RPL6: variants seen among roughly 807,000 people sequenced by gnomAD.
RPL6 encodes the protein ribosomal protein L6, also known as large ribosomal subunit protein eL6.
A neutral mutation model predicts 32.1 loss-of-function variants in RPL6; 1 was observed. The observed-to-expected ratio is 0.03, with a 90% CI of 0.01 to 0.15. The LOEUF (loss-of-function observed/expected upper bound fraction) is 0.15, where lower values mean the gene tolerates loss of function less well. RPL6 is among the 10% of genes least tolerant of loss of function. The probability of loss-of-function intolerance (pLI) is 1.00; values close to 1 mark genes in which losing one functional copy is unlikely to be tolerated. For synonymous variants in RPL6, 126 were observed against 131.6 expected, an observed-to-expected ratio of 0.96 and a Z score of 0.29; for missense variants, 275 against 354.6, an observed-to-expected ratio of 0.78 and a Z score of 1.80.
At chr12:112,411,774 GTT>G (rs1672349502), upstream of RPL6, among the ~76,000 whole-genome samples, 1 of 152,052 alleles carries the variant, frequency 6.6e-6, no homozygotes, top group Admixed American at 6.6e-5. Flanking sequence ...TACCATGTTA[GTT>G]ATAAAGTAAA....
At chr12:112,415,961 T>G (rs1198783990) in intron 1 of RPL6, among the ~76,000 whole-genome samples, 8 of 141,608 alleles carry the variant, frequency 5.6e-5, no homozygotes, top group Non-Finnish European at 1.2e-4. Context: ...TTGCAGTTTT[T>G]TTTTTTTTTT....
At position 112,408,555 on chromosome 12, in the gene RPL6, A is replaced by G. The variant is rs2135801540; in HGVS notation, c.102T>C (p.Ala34=). The stretch of plus-strand genomic sequence containing the variant: ...GGGGCTTCCCCTTCTTGGGCTTTTT[A>G]GCTTTGAGGTTACCCTTTTTCACCT... ...GGKVKKGNLK[A]KKPKKGKPHC... is the part of the protein sequence containing the mutation. The change falls in exon 2 of 7, where the codon GCT becomes GCC. Residue 34 remains alanine, a synonymous_variant. Coordinates refer to ENST00000202773, the MANE Select transcript of RPL6 (RefSeq NM_000970.6). The G allele has an allele frequency of 6.2e-7, 1 of 1,608,026 alleles. No individual in the cohort carries two copies. The highest frequency in any genetic ancestry group is 2.2e-5 in the East Asian group (1 of 44,874).
intron 2 of RPL6, 21 bp from the exon 3 acceptor site, chr12:112,408,359 C>T: frequency 6.2e-7 from 1 of 1,613,460 alleles, no homozygotes; most frequent in Non-Finnish European, 8.5e-7. Flanking sequence ...ACAAATGCAT[C>T]AACAGTAAGA....
chr12:112,409,168 C>A (rs569261176), intron 1 of RPL6: 5 of 311,570 alleles, frequency 1.6e-5, no homozygotes, highest in Non-Finnish European at 2.9e-5. Context: ...GACCAAGAGG[C>A]GACTTCCGGT....
chr12:112,415,034 A>G (rs2037388510), upstream of RPL6, among the ~76,000 whole-genome samples: 1 of 152,208 alleles, frequency 6.6e-6, no homozygotes, highest in African/African-American at 2.4e-5. Flanking sequence ...GACCTGCACT[A>G]GAGAATCGGG....
At position 112,408,463 on chromosome 12, in the gene RPL6, C is replaced by T. The variant is rs149671197; in HGVS notation, c.194G>A (p.Arg65Lys). 1.2e-6 allele frequency: 2 copies of T among 1,614,194 alleles called. No individual in the cohort carries two copies. Among genetic ancestry groups the T allele is most frequent in the Non-Finnish European group, 1.7e-6 (2 of 1,180,040 alleles). The change falls in exon 2 of 7, where the codon AGA (arginine) becomes AAA (lysine). Residue 65 changes from arginine (R) to lysine (K), a missense_variant. Physicochemically the swap from Arg to Lys is conservative, Grantham distance 26 (BLOSUM62 2). Transcript: ENST00000202773. The part of the protein sequence containing the change: ...GRYSRSAMYS[R>K]KAMYKRKYSA... ...GTACTTCCTCTTGTACATGGCCTTT[C>T]TGGAATACATGGCAGATCGGGAATA...
rs2037154338 is a variant in RPL6, at chr12:112,406,039, TAA to T, written c.530-4_530-3del. 1 of 1,599,054 alleles carries T rather than the reference TAA, an allele frequency of 6.3e-7. No individual in the cohort carries two copies. The highest frequency in any genetic ancestry group is 8.5e-7 in the Non-Finnish European group (1 of 1,173,286). ...GAACTCGATTGAGGACCAGAGGTCCTAAGGGGGAAAAATTAATTTAGCAAGGA... is the reference window on the plus strand; with the variant it reads ...GAACTCGATTGAGGACCAGAGGTCCTGGGGGAAAAATTAATTTAGCAAGGA... On this transcript the variant is annotated splice_region_variant and splice_polypyrimidine_tract_variant and intron_variant, in intron 5 of 6. Transcript: ENST00000202773.
chr12:112,410,292 T>G (rs1224427951), upstream of RPL6: 2 of 273,990 alleles, frequency 7.3e-6, no homozygotes, highest in Non-Finnish European at 1.5e-5. Flanking sequence ...TCACTTGAGA[T>G]TAGGTCAGTG....
At chr12:112,405,452 C>A in intron 6 of RPL6, 76 bp from the exon 7 acceptor site, 1 of 1,339,178 alleles carries the variant, frequency 7.5e-7, no homozygotes, top group East Asian at 2.3e-5. Context: ...GGAGTCCTGT[C>A]TCACAAGTAC....
chr12:112,415,956 G>GTTTTT (rs772887157), intron 1 of RPL6, among the ~76,000 whole-genome samples: 1 of 117,066 alleles, frequency 8.5e-6, no homozygotes, highest in Non-Finnish European at 1.7e-5. Flanking sequence ...TAGTTTTGCA[G>GTTTTT]TTTTTTTTTT....
chr12:112,408,025 C>T (rs2037227987), intron 3 of RPL6: 1 of 560,242 alleles, frequency 1.8e-6, no homozygotes, highest in Non-Finnish European at 3.2e-6. Flanking sequence ...CAGCCTCATT[C>T]CCATATTATA....
chr12:112,415,957 T>G (rs1481671558), intron 1 of RPL6, among the ~76,000 whole-genome samples: 5 of 111,592 alleles, frequency 4.5e-5, no homozygotes, highest in Non-Finnish European at 8.7e-5. Flanking sequence ...AGTTTTGCAG[T>G]TTTTTTTTTT....
chr12:112,405,935 T>C lies in RPL6; in HGVS notation c.632A>G (p.His211Arg). 1.9e-6 allele frequency: 3 copies of C among 1,614,034 alleles called. No individual in the cohort carries two copies. The highest frequency in any genetic ancestry group is 2.5e-6 in the Non-Finnish European group (3 of 1,179,948). The change falls in exon 6 of 7, where the codon CAT (histidine) becomes CGT (arginine). Residue 211 changes from histidine to arginine, a missense_variant. His to Arg is a conservative substitution (Grantham distance 29). Transcript: ENST00000202773. ...IDISNVKIPKHLTDAYFKKKK... is the reference protein window; with the variant it reads ...IDISNVKIPKRLTDAYFKKKK... ...CTTCTTGAAGTAAGCATCAGTAAGA[T>C]GTTTTGGGATTTTTACATTGCTGAT...
chr12:112,406,616 T>C, intron 4 of RPL6, 131 bp downstream of exon 4: 1 of 1,232,218 alleles, frequency 8.1e-7, no homozygotes, highest in Non-Finnish European at 1.1e-6. Flanking sequence ...AACTAAGTTG[T>C]ATCTTGCAGA....
In RPL6 at chr12:112,406,298, C is replaced by T. The variant is rs761264237; in HGVS notation, c.525G>A (p.Val175=). The part of the protein sequence containing the change: ...LKQLASGLLL[V]TGPLVLNRVP... ...ACAATCCAAGGATTTTCTTACCAGT[C>T]ACAAGTAATAAGCCACTAGCCAGCT... is the stretch of plus-strand genomic sequence containing the variant. Residue 175 remains valine (V), a synonymous_variant, in exon 5 of 7, where the codon GTG becomes GTA. Transcript: ENST00000202773. 1.1e-5 allele frequency: 17 copies of T among 1,612,576 alleles called. No individual in the cohort carries two copies. The highest frequency in any genetic ancestry group is 1.3e-5 in the African/African-American group (1 of 74,900).
At chr12:112,405,787 C>G in intron 6 of RPL6, 66 bp downstream of exon 6, 1 of 1,307,836 alleles carries the variant, frequency 7.6e-7, no homozygotes, top group South Asian at 1.5e-5. Context: ...TTTGTGCAAC[C>G]TGTTTCTTTT....
upstream of RPL6, among the ~76,000 whole-genome samples, chr12:112,413,728 T>A (rs1195164313): frequency 1.3e-5 from 2 of 151,528 alleles, no homozygotes; most frequent in African/African-American, 4.9e-5. Flanking sequence ...TCCAGGCATA[T>A]AAAGATGGGA....
chr12:112,407,016 C>T (rs889233665), intron 3 of RPL6, 126 bp from the exon 4 acceptor site: 10 of 936,596 alleles, frequency 1.1e-5, no homozygotes, highest in Non-Finnish European at 1.4e-5. Flanking sequence ...TTATATGATT[C>T]CATTTTCATT....
At chr12:112,408,967 GC>G (rs1374872169) in intron 1 of RPL6, 1 of 338,442 alleles carries the variant, frequency 3.0e-6, no homozygotes, top group Admixed American at 4.4e-5. Context: ...TTACTGTTTT[GC>G]GAATTAGAAA....
Sources: allele counts gnomAD v4.1 joint callset (sites outside exome capture counted in the v4.1 genomes callset), GRCh38; gene constraint gnomAD v4.1.1; transcripts MANE v1.5; gene names NCBI Gene and HGNC (gene_info 2026-07-23, HGNC 2026-07-21).